The following NALF1 variants were observed in gnomAD, a reference collection of about 807,000 sequenced individuals.
NALF1 encodes NALCN channel auxiliary factor 1, also known as family with sequence similarity 155 member A.
Under a neutral mutation model 48.4 loss-of-function variants are expected in NALF1, and 3 were observed. That is an observed-to-expected ratio of 0.06 (90% CI 0.03 to 0.16). NALF1 has a LOEUF of 0.16. NALF1 is among the 10% of genes least tolerant of loss of function. NALF1 has a pLI of 1.00. For missense variants in NALF1, 526 were observed against 571.5 expected (o/e 0.92, Z 0.81); for synonymous variants, 262 against 245.7 (o/e 1.07, Z -0.62).
intron 1 of NALF1, among the ~76,000 whole-genome samples, chr13:107,343,831 T>C (rs1044734460): frequency 1.3e-5 from 2 of 151,566 alleles, no homozygotes; most frequent in African/African-American, 4.8e-5. Context: ...AACAGGTAGC[T>C]AACAGAGGAA....
At chr13:107,582,532 G>A (rs1878343011) in intron 1 of NALF1, among the ~76,000 whole-genome samples, 2 of 152,168 alleles carry the variant, frequency 1.3e-5, no homozygotes, top group Non-Finnish European at 1.5e-5. Context: ...AATCAAGCAC[G>A]GTGCAGTGCC....
chr13:107,652,436 C>T (rs997116508), intron 1 of NALF1, among the ~76,000 whole-genome samples: 1 of 152,080 alleles, frequency 6.6e-6, no homozygotes, highest in Non-Finnish European at 1.5e-5. Flanking sequence ...CTTTCTTTAA[C>T]ATATACACAA....
intron 1 of NALF1, among the ~76,000 whole-genome samples, chr13:107,546,521 C>T (rs545550757): frequency 6.6e-6 from 1 of 152,204 alleles, no homozygotes; most frequent in South Asian, 2.1e-4. Context: ...CTACATTGGC[C>T]TTTTTCTTTG....
chr13:107,548,980 C>A (rs1415363806), intron 1 of NALF1, among the ~76,000 whole-genome samples: 1 of 152,102 alleles, frequency 6.6e-6, no homozygotes, highest in Non-Finnish European at 1.5e-5. Flanking sequence ...CATAATTGCA[C>A]ATCGGCCAAG....
intron 1 of NALF1, among the ~76,000 whole-genome samples, chr13:107,520,567 T>C (rs1594107331): frequency 6.6e-6 from 1 of 152,228 alleles, no homozygotes; most frequent in Admixed American, 6.5e-5. Context: ...TATTAAAGAG[T>C]CACACAGTGC....
At chr13:107,693,177 C>G (rs1881606000) in intron 1 of NALF1, among the ~76,000 whole-genome samples, 1 of 152,094 alleles carries the variant, frequency 6.6e-6, no homozygotes, top group South Asian at 2.1e-4. Context: ...CCTGCAGGGA[C>G]ATGCATGGAG....
At chr13:107,374,861 C>A (rs938728485) in intron 1 of NALF1, among the ~76,000 whole-genome samples, 1 of 152,124 alleles carries the variant, frequency 6.6e-6, no homozygotes, top group African/African-American at 2.4e-5. Context: ...AAGGCTCTGA[C>A]CAGATGTGGG....
At chr13:107,645,103 C>T (rs1232442457) in intron 1 of NALF1, among the ~76,000 whole-genome samples, 1 of 152,088 alleles carries the variant, frequency 6.6e-6, no homozygotes, top group Non-Finnish European at 1.5e-5. Flanking sequence ...GCTATAAATA[C>T]ATGTGAGCAT....
chr13:107,744,994 A>G (rs1177615761), intron 1 of NALF1, among the ~76,000 whole-genome samples: 1 of 152,200 alleles, frequency 6.6e-6, no homozygotes, highest in Non-Finnish European at 1.5e-5. Flanking sequence ...ATTCTACTGC[A>G]CTGATATTCA....
At chr13:107,619,200 G>T in intron 1 of NALF1, among the ~76,000 whole-genome samples, 1 of 152,198 alleles carries the variant, frequency 6.6e-6, no homozygotes, top group East Asian at 1.9e-4. Flanking sequence ...TATCACCAAT[G>T]GATTCTATTC....
At chr13:107,728,534 G>A (rs1360865840) in intron 1 of NALF1, among the ~76,000 whole-genome samples, 1 of 151,914 alleles carries the variant, frequency 6.6e-6, no homozygotes, top group Admixed American at 6.6e-5. Context: ...GTCTGTCAGG[G>A]GGTTGGGGGA....
intron 1 of NALF1, among the ~76,000 whole-genome samples, chr13:107,519,655 A>G (rs1320730193): frequency 6.6e-6 from 1 of 152,200 alleles, no homozygotes. Flanking sequence ...TCAGCCAAAC[A>G]GAAGTTTCAG....
intron 1 of NALF1, among the ~76,000 whole-genome samples, chr13:107,630,192 G>T (rs1367063340): frequency 6.6e-6 from 1 of 151,742 alleles, no homozygotes; most frequent in Non-Finnish European, 1.5e-5. Context: ...GACATAAATG[G>T]GTTAAGTACA....
At chr13:107,485,245 G>A (rs1458470133) in intron 1 of NALF1, among the ~76,000 whole-genome samples, 4 of 152,114 alleles carry the variant, frequency 2.6e-5, no homozygotes, top group African/African-American at 9.7e-5. Flanking sequence ...CTCTCTTCGT[G>A]ATTGCCAATT....
chr13:107,748,810 CCCA>C (rs1373312006), intron 1 of NALF1, among the ~76,000 whole-genome samples: 1 of 152,012 alleles, frequency 6.6e-6, no homozygotes, highest in Non-Finnish European at 1.5e-5. Flanking sequence ...TTGGGTTTTA[CCCA>C]CAAAGGATGA....
intron 1 of NALF1, among the ~76,000 whole-genome samples, chr13:107,761,653 T>C (rs1398874660): frequency 6.6e-6 from 1 of 152,200 alleles, no homozygotes; most frequent in African/African-American, 2.4e-5. Context: ...CAGCTTGCCA[T>C]AGATGGAAAC....
chr13:107,810,837 T>C (rs1171802853), intron 1 of NALF1, among the ~76,000 whole-genome samples: 6 of 152,132 alleles, frequency 3.9e-5, no homozygotes, highest in Non-Finnish European at 5.9e-5. Context: ...AGTCTCTCCA[T>C]AGAGATGTTG....
At chr13:107,719,224 T>C (rs957839336) in intron 1 of NALF1, among the ~76,000 whole-genome samples, 1 of 152,240 alleles carries the variant, frequency 6.6e-6, no homozygotes, top group Non-Finnish European at 1.5e-5. Flanking sequence ...AGATTATCAA[T>C]TACCTTGTTG....
intron 1 of NALF1, among the ~76,000 whole-genome samples, chr13:107,353,243 A>G (rs1864678348): frequency 6.6e-6 from 1 of 152,236 alleles, no homozygotes; most frequent in South Asian, 2.1e-4. Context: ...AAATTGTATT[A>G]ATAAATTTGT....
Sources: allele counts gnomAD v4.1 joint callset (sites outside exome capture counted in the v4.1 genomes callset), GRCh38; gene constraint gnomAD v4.1.1; transcripts MANE v1.5; gene names NCBI Gene and HGNC (gene_info 2026-07-23, HGNC 2026-07-21).